Variants in PUM1 observed in about 807,000 individuals in gnomAD.
PUM1 encodes the protein pumilio RNA binding family member 1.
In PUM1, 13 loss-of-function variants were observed where a neutral mutation model predicts 131.8. That is an observed-to-expected ratio of 0.10 (90% confidence interval 0.06 to 0.16). PUM1 has a LOEUF of 0.16. PUM1 is among the 10% of genes least tolerant of loss of function. PUM1 has a pLI of 1.00. For missense variants in PUM1, 961 were observed against 1,512.4 expected (o/e 0.64, Z 6.05); for synonymous variants, 509 against 556.5 (o/e 0.91, Z 1.20).
At chr1:31,005,538 T>C (rs1446049023) in intron 5 of PUM1, among the ~76,000 whole-genome samples, 1 of 152,174 alleles carries the variant, frequency 6.6e-6, no homozygotes, top group Non-Finnish European at 1.5e-5. Flanking sequence ...CCTTTTGCTT[T>C]TATTTTAAAG....
chr1:30,948,680 G>A (rs897902311), intron 17 of PUM1, among the ~76,000 whole-genome samples: 3 of 152,164 alleles, frequency 2.0e-5, no homozygotes, highest in East Asian at 1.9e-4. Flanking sequence ...GAGCTCAGGA[G>A]GTTGAGGCTG....
intron 2 of PUM1, among the ~76,000 whole-genome samples, chr1:31,053,017 CT>C (rs1192239160): frequency 1.8e-3 from 231 of 130,916 alleles, no homozygotes; most frequent in Admixed American, 2.1e-3. Flanking sequence ...TATCCATCAT[CT>C]TTTTTTTTTT....
chr1:30,992,780 C>A (rs1641839072), intron 6 of PUM1, 120 bp from the exon 7 acceptor site: 1 of 859,272 alleles, frequency 1.2e-6, no homozygotes, highest in Non-Finnish European at 1.8e-6. Context: ...AAAACTATTT[C>A]TATAAAATAA....
In PUM1 at chr1:31,000,108, C is replaced by T. The variant is rs186567053; in HGVS notation, c.721-4888G>A. Among the ~76,000 whole-genome samples the T allele has an allele frequency of 7.2e-5, 11 of 152,292 alleles. No homozygotes were observed. In the East Asian group the frequency reaches 1.9e-3, roughly 27 times the overall value. ...CTGCAAATGTTGTGAAAAGCTTCTC[C>T]TCAAATAGCTCGGGTAAGTATCCAC... On this transcript the variant is annotated intron_variant, in intron 5 of 21. Transcript: ENST00000426105.
chr1:31,042,315 T>TAAAA (rs1643845509), intron 2 of PUM1, among the ~76,000 whole-genome samples: 1 of 136,232 alleles, frequency 7.3e-6, no homozygotes, highest in African/African-American at 3.1e-5. Flanking sequence ...CAAAAATAAA[T>TAAAA]AAATAAATAA....
At chr1:30,998,050 CA>C (rs901292239) in intron 5 of PUM1, among the ~76,000 whole-genome samples, 3 of 152,142 alleles carry the variant, frequency 2.0e-5, no homozygotes, top group Non-Finnish European at 4.4e-5. Context: ...GATGCCTAAC[CA>C]AAATGGTGGG....
rs1557550719 is a variant in PUM1, at chr1:30,952,329, C to G, written c.2626G>C (p.Ala876Pro). ...TCATTGAAGACAAGCTGGCGCTCAG[C>G]TGGTGTGGCACGCTCCAGTTTCAGC... is the stretch of plus-strand genomic sequence containing the variant. ...IQLKLERATP[A>P]ERQLVFNEIL... Residue 876 changes from alanine (A) to proline (P), a missense_variant, in exon 16 of 22, where the codon GCT becomes CCT. Around this residue, in one of 4 missense-constraint regions of PUM1, gnomAD observed 117 missense variants for 200.7 expected, o/e 0.58. Transcript: ENST00000426105. 3 of 1,613,642 alleles carry G rather than the reference C, an allele frequency of 1.9e-6. No individual in the cohort carries two copies. Among genetic ancestry groups the G allele is most frequent in the Non-Finnish European group, 1.7e-6 (2 of 1,179,554 alleles).
At chr1:31,022,986 T>C (rs1030428945) in intron 3 of PUM1, among the ~76,000 whole-genome samples, 5 of 151,796 alleles carry the variant, frequency 3.3e-5, no homozygotes, top group African/African-American at 9.7e-5. Context: ...CTGGCCAACA[T>C]AGTGAAACCC....
At chr1:31,029,299 T>C (rs1188673076) in intron 2 of PUM1, among the ~76,000 whole-genome samples, 2 of 152,224 alleles carry the variant, frequency 1.3e-5, no homozygotes. Context: ...TTTGATTCAA[T>C]CCACTATTTC....
rs1640556258 is a variant in PUM1 at position 30,964,885 on chromosome 1, G to A, written c.2112C>T (p.Gly704=). ...TGCCAGTCAGGGAGTCACGGCGGGAGCCACTGCCAGTGTTGGAGTTTGCAA... is the reference window on the plus strand; with the variant it reads ...TGCCAGTCAGGGAGTCACGGCGGGAACCACTGCCAGTGTTGGAGTTTGCAA... ...TAVANSNTGS[G]SRRDSLTGSS... The change falls in exon 14 of 22, where the codon GGC becomes GGT. Residue 704 remains glycine, a synonymous_variant. Transcript: ENST00000426105. 2 of 1,613,966 alleles carry A rather than the reference G, an allele frequency of 1.2e-6. No homozygotes were observed. The highest frequency in any genetic ancestry group is 1.7e-6 in the Non-Finnish European group (2 of 1,180,024).
Position 31,059,342 on chromosome 1 carries a change from G to C in PUM1, c.225C>G (p.Ser75=). ...AGTAGTCCACCATAGCGTCGTCCTGGGAACGGCCTGCAACTCCTATAGATC... is the reference window on the plus strand; with the variant it reads ...AGTAGTCCACCATAGCGTCGTCCTGCGAACGGCCTGCAACTCCTATAGATC... The part of the protein sequence containing the change: ...VPGSIGVAGR[S]QDDAMVDYFF... The change falls in exon 2 of 22, where the codon TCC becomes TCG. Residue 75 remains serine (S), a synonymous_variant. Transcript: ENST00000426105. The C allele has an allele frequency of 6.2e-7, 1 of 1,614,160 alleles. No homozygotes were observed. Among genetic ancestry groups the C allele is most frequent in the Non-Finnish European group, 8.5e-7 (1 of 1,180,034 alleles).
intron 18 of PUM1, 43 bp downstream of exon 18, chr1:30,945,303 G>C: frequency 6.2e-7 from 1 of 1,603,328 alleles, no homozygotes; most frequent in Non-Finnish European, 8.5e-7. Context: ...TGCTCACAAA[G>C]GAAATAAATT....
intron 11 of PUM1, 70 bp downstream of exon 11, chr1:30,968,284 C>T (rs369003742): frequency 1.3e-6 from 2 of 1,588,910 alleles, no homozygotes; most frequent in African/African-American, 1.3e-5. Context: ...TGCTCATTCC[C>T]CTCTGTAATC....
rs1639011064 is a variant in PUM1, at chr1:30,932,702, A to G, written c.*509T>C. 1 of 149,170 alleles carries G rather than the reference A, an allele frequency of 6.7e-6. No individual in the cohort carries two copies. The highest frequency in any genetic ancestry group is 1.5e-5 in the Non-Finnish European group (1 of 67,408). 9.2% of individuals were successfully genotyped at this position (149,170 alleles called of 1,614,324 possible). A position where few individuals can be genotyped will look rare whatever the true frequency, so the allele number is the denominator to read the frequency against. On this transcript the variant is annotated 3_prime_UTR_variant, in exon 22 of 22. Transcript: ENST00000426105. ...CAGTGTTAAATGCCAGTTTGGGGTCATTTAACTACAATTCAAACTTCTCAG... is the reference window on the plus strand; with the variant it reads ...CAGTGTTAAATGCCAGTTTGGGGTCGTTTAACTACAATTCAAACTTCTCAG...
rs148204261 is a variant in PUM1, at chr1:31,036,365, G to C, written c.364-7501C>G. On this transcript the variant is annotated intron_variant, in intron 2 of 21. Coordinates refer to ENST00000426105, the MANE Select transcript of PUM1 (RefSeq NM_001020658.2). The stretch of plus-strand genomic sequence containing the variant: ...ATTACAGGTGTGAGCCACCATGCCC[G>C]GCCCAAATTCAGCTCTTTATGCCTT... Among the ~76,000 whole-genome samples the C allele has an allele frequency of 5.2e-3, 793 of 152,068 alleles. 6 individuals carry two copies. The highest frequency in any genetic ancestry group is 0.018 in the African/African-American group (734 of 41,504).
intron 1 of PUM1, among the ~76,000 whole-genome samples, chr1:31,064,778 G>C (rs1296765473): frequency 1.3e-5 from 1 of 76,204 alleles, no homozygotes; most frequent in South Asian, 7.5e-4. Context: ...GGGGGGGGGG[G>C]GGCTATAGGA....
chr1:31,051,907 C>T (rs1031973467), intron 2 of PUM1, among the ~76,000 whole-genome samples: 1 of 152,110 alleles, frequency 6.6e-6, no homozygotes, highest in African/African-American at 2.4e-5. Flanking sequence ...AAGAATAAAA[C>T]ACTCTCAAGT....
Position 30,965,837 on chromosome 1 carries a change from A to G in PUM1, c.2086+145T>C, listed in dbSNP as rs1640598943. On this transcript the variant is annotated intron_variant, in intron 13 of 21. Transcript: ENST00000426105. ...CTGTATAACTTGATTTCAATAGTCT[A>G]TCATCTCACAGATTATGTGGGATGG... 3.8e-6 allele frequency: 3 copies of G among 790,214 alleles called. No individual in the cohort carries two copies. In the East Asian group the frequency reaches 8.2e-5, roughly 22 times the overall value. The allele number at this position is 790,214 out of a possible 1,614,324, so 49.0% of individuals were successfully genotyped here. A position where few individuals can be genotyped will look rare whatever the true frequency, so the allele number is the denominator to read the frequency against.
chr1:31,022,311 G>A (rs538659862), intron 3 of PUM1, among the ~76,000 whole-genome samples: 2 of 152,186 alleles, frequency 1.3e-5, no homozygotes, highest in Admixed American at 6.5e-5. Context: ...ATGGATAAAA[G>A]AGTAACATTT....
Sources: allele counts gnomAD v4.1 joint callset (sites outside exome capture counted in the v4.1 genomes callset), GRCh38; gene constraint gnomAD v4.1.1; regional missense constraint gnomAD v4.1.1; transcripts MANE v1.5; gene names NCBI Gene and HGNC (gene_info 2026-07-23, HGNC 2026-07-21).